The following TRIM44 variants were observed in gnomAD, a reference collection of about 807,000 sequenced individuals.
TRIM44 encodes tripartite motif containing 44, also known as tripartite motif-containing protein 44.
In TRIM44, 13 loss-of-function variants were observed where a neutral mutation model predicts 37.4. That is an observed-to-expected ratio of 0.35 (90% CI 0.23 to 0.55). TRIM44 has a LOEUF of 0.55. TRIM44 is among the 20% of genes least tolerant of loss of function. TRIM44 has a pLI of 0.89. For synonymous variants in TRIM44, 175 were observed against 157.2 expected (o/e 1.11, Z -0.85); for missense variants, 426 against 437.2 (o/e 0.97, Z 0.23).
intron 4 of TRIM44, among the ~76,000 whole-genome samples, chr11:35,785,377 C>T (rs1321056531): frequency 2.0e-5 from 3 of 152,236 alleles, no homozygotes; most frequent in Admixed American, 6.5e-5. Context: ...TTGCTTCAAC[C>T]TAGAAGCCTT....
intron 2 of TRIM44, among the ~76,000 whole-genome samples, chr11:35,712,306 T>C (rs1031443004): frequency 5.9e-5 from 9 of 152,192 alleles, no homozygotes; most frequent in Admixed American, 2.0e-4. Flanking sequence ...GGTGCCCAAC[T>C]ATAAGAAAAA....
At chr11:35,766,668 G>A (rs934593726) in intron 4 of TRIM44, among the ~76,000 whole-genome samples, 2 of 152,122 alleles carry the variant, frequency 1.3e-5, no homozygotes, top group African/African-American at 2.4e-5. Flanking sequence ...CTTTGGCCTC[G>A]GCAGGCCGGG....
chr11:35,717,139 A>C (rs1816652612), intron 2 of TRIM44, among the ~76,000 whole-genome samples: 1 of 152,242 alleles, frequency 6.6e-6, no homozygotes, highest in African/African-American at 2.4e-5. Context: ...GAGAAAATCT[A>C]GGCATAGGAG....
At chr11:35,699,594 C>T (rs931459784) in intron 2 of TRIM44, among the ~76,000 whole-genome samples, 1 of 151,786 alleles carries the variant, frequency 6.6e-6, no homozygotes, top group Non-Finnish European at 1.5e-5. Flanking sequence ...TGTTGAAAGT[C>T]CTGGCCAGGG....
chr11:35,666,157 T>G (rs1333453976), intron 1 of TRIM44, among the ~76,000 whole-genome samples: 1 of 152,218 alleles, frequency 6.6e-6, no homozygotes, highest in African/African-American at 2.4e-5. Context: ...GAAAAGCCCT[T>G]CCTTTGTGCA....
At chr11:35,721,707 C>G (rs552298325) in intron 2 of TRIM44, among the ~76,000 whole-genome samples, 57 of 152,340 alleles carry the variant, frequency 3.7e-4, no homozygotes, top group African/African-American at 1.3e-3. Context: ...TTTCAGGCTT[C>G]TAACTAGGTC....
intron 4 of TRIM44, among the ~76,000 whole-genome samples, chr11:35,764,190 G>A (rs762289801): frequency 2.0e-5 from 3 of 152,098 alleles, no homozygotes. Flanking sequence ...CCTCTTTGTT[G>A]TACAGAGTTA....
chr11:35,697,793 TTA>T (rs1480613358), intron 2 of TRIM44, among the ~76,000 whole-genome samples: 1 of 152,160 alleles, frequency 6.6e-6, no homozygotes, highest in Non-Finnish European at 1.5e-5. Flanking sequence ...TCATCATTTT[TTA>T]TGGCTGCATA....
intron 4 of TRIM44, among the ~76,000 whole-genome samples, chr11:35,800,425 G>C (rs941071971): frequency 3.3e-5 from 5 of 152,106 alleles, no homozygotes; most frequent in African/African-American, 1.2e-4. Context: ...TGTGCTTACA[G>C]TCCTTTAGCT....
intron 2 of TRIM44, among the ~76,000 whole-genome samples, chr11:35,717,446 C>T (rs1564973858): frequency 6.6e-6 from 1 of 152,026 alleles, no homozygotes; most frequent in Non-Finnish European, 1.5e-5. Flanking sequence ...GATTTCATCT[C>T]CAACCTGACC....
At chr11:35,781,254 T>A (rs941967946) in intron 4 of TRIM44, among the ~76,000 whole-genome samples, 8 of 152,174 alleles carry the variant, frequency 5.3e-5, no homozygotes, top group African/African-American at 1.4e-4. Context: ...CCTTTTTTTT[T>A]AATGTAATGT....
chr11:35,714,384 CCTTT>C (rs1192546465), intron 2 of TRIM44, among the ~76,000 whole-genome samples: 2 of 152,134 alleles, frequency 1.3e-5, no homozygotes, highest in African/African-American at 2.4e-5. Flanking sequence ...GAAATTTTCA[CCTTT>C]CTGAGCTTCA....
rs1853570632 is a variant in TRIM44, at chr11:35,815,395, A to G, written c.*9010A>G. On this transcript the variant is annotated 3_prime_UTR_variant, in exon 5 of 5. Transcript: ENST00000299413. Reference sequence around the variant, plus strand: ...GGAAGAACTATGATAGAGGAACAAGATTGCTCTTTGACTTGGTGATAGTAG... The same window carrying G: ...GGAAGAACTATGATAGAGGAACAAGGTTGCTCTTTGACTTGGTGATAGTAG... 6.6e-6 allele frequency: 1 copy of G among 152,164 alleles called. No homozygotes were observed. Among genetic ancestry groups the G allele is most frequent in the African/African-American group, 2.4e-5 (1 of 41,440 alleles). The allele number at this position is 152,164 out of a possible 1,614,324, so 9.4% of individuals were successfully genotyped here.
chr11:35,666,505 T>C (rs1851333875), intron 1 of TRIM44, among the ~76,000 whole-genome samples: 1 of 152,208 alleles, frequency 6.6e-6, no homozygotes, highest in Admixed American at 6.5e-5. Flanking sequence ...AATTTAGGTC[T>C]TTTTTATTGC....
At chr11:35,704,526 C>A (rs930482436) in intron 2 of TRIM44, among the ~76,000 whole-genome samples, 4 of 152,112 alleles carry the variant, frequency 2.6e-5, no homozygotes, top group Non-Finnish European at 5.9e-5. Context: ...GTCGGGTTAC[C>A]CACAAAGGGA....
chr11:35,726,288 C>T lies in TRIM44; in HGVS notation c.987+125C>T, dbSNP rs939907293. On this transcript the variant is annotated intron_variant, in intron 3 of 4. Transcript: ENST00000299413. ...AAGTCTAGGTAGAGTATAAGTGTTT[C>T]ACATGGTGTATAAACCAGTATGGAA... The T allele has an allele frequency of 4.8e-5, 61 of 1,274,722 alleles. No individual in the cohort carries two copies. The South Asian group carries it at 5.8e-4, about 12-fold the overall frequency. The allele number at this position is 1,274,722 out of a possible 1,614,324, so 79.0% of individuals were successfully genotyped here. A position where few individuals can be genotyped will look rare whatever the true frequency, so the allele number is the denominator to read the frequency against.
At chr11:35,730,836 A>G (rs1273281319) in intron 3 of TRIM44, among the ~76,000 whole-genome samples, 1 of 149,446 alleles carries the variant, frequency 6.7e-6, no homozygotes, top group South Asian at 2.1e-4. Context: ...TGGTTTTTAT[A>G]TATTAGCCTT....
At chr11:35,783,137 C>T (rs574393793) in intron 4 of TRIM44, among the ~76,000 whole-genome samples, 1 of 152,278 alleles carries the variant, frequency 6.6e-6, no homozygotes, top group East Asian at 1.9e-4. Flanking sequence ...AGGCTGTCCT[C>T]ATTTTATAGA....
chr11:35,674,635 T>A (rs1172800344), intron 1 of TRIM44, among the ~76,000 whole-genome samples: 2 of 152,216 alleles, frequency 1.3e-5, no homozygotes, highest in Non-Finnish European at 2.9e-5. Flanking sequence ...AACTATAACA[T>A]ATAGCTGGCT....
Sources: gnomAD v4.1 joint callset for allele counts (sites outside exome capture counted in the v4.1 genomes callset) on GRCh38, gnomAD v4.1.1 for gene constraint, MANE v1.5 for transcripts, NCBI Gene and HGNC (gene_info 2026-07-23, HGNC 2026-07-21) for gene names.